The following CCDC171 variants were observed in gnomAD, a reference collection of about 807,000 sequenced individuals.
CCDC171 encodes coiled-coil domain containing 171, also known as coiled-coil domain-containing protein 171.
In CCDC171, 177 loss-of-function variants were observed where a neutral mutation model predicts 168.2. That is an observed-to-expected ratio of 1.05 (90% confidence interval 0.93 to 1.19). The LOEUF (loss-of-function observed/expected upper bound fraction) is 1.19. CCDC171 is among the 50% of genes most tolerant of loss of function. The pLI is 0.00. For missense variants in CCDC171, 1,991 were observed against 1,539.0 expected, an observed-to-expected ratio of 1.29 and a Z score of -4.91; for synonymous variants, 687 against 540.8, an observed-to-expected ratio of 1.27 and a Z score of -3.75.
intron 3 of CCDC171, among the ~76,000 whole-genome samples, chr9:15,990,843 T>C (rs906943761): frequency 1.3e-5 from 2 of 152,098 alleles, no homozygotes; most frequent in Non-Finnish European, 2.9e-5. Flanking sequence ...CATTACATAA[T>C]GGTAAAGGGA....
At chr9:16,087,879 G>C in the CCDC171 span, among the ~76,000 whole-genome samples, 1 of 152,008 alleles carries the variant, frequency 6.6e-6, no homozygotes, top group African/African-American at 2.4e-5. Flanking sequence ...TGCAGTGGCT[G>C]GTCCCGGTGA....
chr9:15,784,658 A>G lies in CCDC171; in HGVS notation c.3231A>G (p.Glu1077=). 6.2e-7 allele frequency: 1 copy of G among 1,613,292 alleles called. No homozygotes were observed. The highest frequency in any genetic ancestry group is 8.5e-7 in the Non-Finnish European group (1 of 1,179,562). The change falls in exon 21 of 26, where the codon GAA becomes GAG. Residue 1077 remains glutamate, a synonymous_variant. Coordinates refer to ENST00000380701, the MANE Select transcript of CCDC171 (RefSeq NM_173550.4). ...NYKLELHSSE[E]ADKNQTLGEA... Reference sequence around the variant, plus strand: ...AACTTGAATTGCACTCCAGTGAGGAAGCTGACAAAAACCAAACTCTTGGAG... The same window carrying G: ...AACTTGAATTGCACTCCAGTGAGGAGGCTGACAAAAACCAAACTCTTGGAG...
At chr9:15,712,500 A>C (rs911005278) in intron 11 of CCDC171, among the ~76,000 whole-genome samples, 1 of 152,246 alleles carries the variant, frequency 6.6e-6, no homozygotes, top group Non-Finnish European at 1.5e-5. Flanking sequence ...TGTAAAATGC[A>C]TTCTCTGATC....
At chr9:15,697,014 A>T (rs996368912) in intron 11 of CCDC171, among the ~76,000 whole-genome samples, 1 of 151,968 alleles carries the variant, frequency 6.6e-6, no homozygotes, top group Non-Finnish European at 1.5e-5. Flanking sequence ...TTGCTGATCC[A>T]TTCTCCTCTG....
intron 6 of CCDC171, among the ~76,000 whole-genome samples, chr9:15,596,213 C>G (rs2042342507): frequency 6.6e-6 from 1 of 152,068 alleles, no homozygotes; most frequent in African/African-American, 2.4e-5. Context: ...ACATGAAGTC[C>G]TTGCCCATGC....
At chr9:16,085,263 A>G in the CCDC171 span, among the ~76,000 whole-genome samples, 1 of 152,242 alleles carries the variant, frequency 6.6e-6, no homozygotes, top group Admixed American at 6.5e-5. Context: ...CAGAAGCTAC[A>G]TGAAGTATTA....
At position 15,918,171 on chromosome 9, in the gene CCDC171, T is replaced by G. The variant is rs1323662558; in HGVS notation, c.3601-2099T>G. ...GCTCCTGTGTTTTGCTCTGAAAAAC[T>G]AGATTAAAAAAAGTATCTACTCCAT... On this transcript the variant is annotated intron_variant, in intron 24 of 25. Transcript: ENST00000380701. Among the ~76,000 whole-genome samples, 7 of 151,698 alleles carry G rather than the reference T, an allele frequency of 4.6e-5. No individual in the cohort carries two copies. The East Asian group carries it at 1.4e-3, about 29-fold the overall frequency.
chr9:15,655,921 C>T (rs879248865), intron 7 of CCDC171, among the ~76,000 whole-genome samples: 12 of 152,016 alleles, frequency 7.9e-5, no homozygotes, highest in African/African-American at 2.4e-4. Context: ...AGAAAATGAC[C>T]GTAGCAAGTG....
At chr9:16,065,903 C>G (rs1038049745), downstream of CCDC171, among the ~76,000 whole-genome samples, 4 of 151,824 alleles carry the variant, frequency 2.6e-5, no homozygotes, top group African/African-American at 7.3e-5. Context: ...CTGTGACTAT[C>G]TTAGAATCCA....
intron 10 of CCDC171, among the ~76,000 whole-genome samples, chr9:15,683,449 AT>A (rs1564203427): frequency 2.0e-5 from 3 of 151,994 alleles, no homozygotes; most frequent in Non-Finnish European, 4.4e-5. Context: ...GCTAATAAAT[AT>A]TCTATTCTGA....
chr9:15,723,609 C>T (rs1175498629), intron 12 of CCDC171, 72 bp from the exon 13 acceptor site: 1 of 1,031,542 alleles, frequency 9.7e-7, no homozygotes, highest in Admixed American at 2.1e-5. Flanking sequence ...TTTTGAGTTA[C>T]CCATCCTTGA....
At chr9:15,876,638 C>T (rs142249545) in intron 24 of CCDC171, among the ~76,000 whole-genome samples, 497 of 152,174 alleles carry the variant, frequency 3.3e-3, no homozygotes, top group African/African-American at 0.011. Context: ...TGGAATTTTT[C>T]TTCCATTTGT....
chr9:15,570,530 T>C (rs1435226532), intron 2 of CCDC171, among the ~76,000 whole-genome samples: 1 of 152,218 alleles, frequency 6.6e-6, no homozygotes, highest in Non-Finnish European at 1.5e-5. Context: ...TCTGCTTATA[T>C]TGAAAAGTAG....
chr9:15,904,200 G>A (rs575819016), intron 24 of CCDC171, among the ~76,000 whole-genome samples: 1 of 152,096 alleles, frequency 6.6e-6, no homozygotes, highest in Non-Finnish European at 1.5e-5. Context: ...TCCTCGAGAA[G>A]AGCAACTCCA....
chr9:15,602,447 C>G (rs1427680809), intron 6 of CCDC171, among the ~76,000 whole-genome samples: 1 of 151,844 alleles, frequency 6.6e-6, no homozygotes, highest in African/African-American at 2.4e-5. Flanking sequence ...TAATATTTCT[C>G]TCATCTGGGC....
At chr9:15,789,984 C>G (rs1042385934) in intron 21 of CCDC171, among the ~76,000 whole-genome samples, 4 of 152,152 alleles carry the variant, frequency 2.6e-5, no homozygotes, top group African/African-American at 4.8e-5. Context: ...GCCACCTTTT[C>G]TTAATCCAGT....
At chr9:15,666,057 G>T in intron 8 of CCDC171, 106 bp from the exon 9 acceptor site, 1 of 946,222 alleles carries the variant, frequency 1.1e-6, no homozygotes, top group Non-Finnish European at 1.6e-6. Flanking sequence ...AAAGAAAGAA[G>T]TGCTTGGATG....
intron 25 of CCDC171, among the ~76,000 whole-genome samples, chr9:15,966,177 G>A (rs1830768136): frequency 6.6e-6 from 1 of 152,204 alleles, no homozygotes; most frequent in Non-Finnish European, 1.5e-5. Flanking sequence ...GTAAAAATGA[G>A]ATTGGATGTT....
intron 1 of CCDC171, among the ~76,000 whole-genome samples, chr9:16,044,712 A>G (rs950153554): frequency 2.6e-5 from 4 of 152,042 alleles, no homozygotes; most frequent in African/African-American, 9.7e-5. Context: ...CACAGGGAGG[A>G]GGACGCTCTG....
Sources: allele counts gnomAD v4.1 joint callset (sites outside exome capture counted in the v4.1 genomes callset), GRCh38; gene constraint gnomAD v4.1.1; transcripts MANE v1.5; gene names NCBI Gene and HGNC (gene_info 2026-07-23, HGNC 2026-07-21).